Variants in GRIA1 observed in about 807,000 individuals in gnomAD.
The protein encoded by GRIA1 is glutamate ionotropic receptor AMPA type subunit 1, also known as glutamate receptor 1.
GRIA1 carries 31 observed loss-of-function variants against 99.2 expected under a neutral mutation model. That is an observed-to-expected ratio of 0.31 (90% CI 0.23 to 0.42). The LOEUF (loss-of-function observed/expected upper bound fraction) is 0.42, where lower values mean the gene tolerates loss of function less well. GRIA1 is among the 10% of genes least tolerant of loss of function. The probability of loss-of-function intolerance (pLI) is 1.00; values close to 1 mark genes in which losing one functional copy is unlikely to be tolerated. For synonymous variants in GRIA1, 438 were observed against 432.4 expected (o/e 1.01, Z -0.16); for missense variants, 782 against 1,157.5 (o/e 0.68, Z 4.71).
At chr5:153,539,063 G>A (rs930833590) in intron 2 of GRIA1, among the ~76,000 whole-genome samples, 2 of 152,170 alleles carry the variant, frequency 1.3e-5, no homozygotes, top group African/African-American at 4.8e-5. Context: ...GCTGGCCAGG[G>A]CTGAGAGAAT....
intron 2 of GRIA1, among the ~76,000 whole-genome samples, chr5:153,519,604 C>T (rs184967166): frequency 6.6e-6 from 1 of 152,122 alleles, no homozygotes; most frequent in Non-Finnish European, 1.5e-5. Flanking sequence ...GCATGTAAAA[C>T]ATCATCCAGG....
chr5:153,781,968 CA>C (rs574107355), intron 13 of GRIA1, among the ~76,000 whole-genome samples: 153 of 152,198 alleles, frequency 1.0e-3, no homozygotes, highest in African/African-American at 3.5e-3. Flanking sequence ...TAAAATGGGC[CA>C]GGGGTAAAAC....
chr5:153,590,506 ATGTGTGTGTGTGTG>A (rs5872325), intron 2 of GRIA1, among the ~76,000 whole-genome samples: 19,316 of 147,848 alleles, frequency 0.13, 2,216 homozygotes, highest in East Asian at 0.62. Context: ...AGCTATTGAA[ATGTGTGTGTGTGTG>A]TGTGTGTGTG....
In GRIA1 at chr5:153,660,604, A is replaced by G. The variant is rs1423335886; in HGVS notation, c.699+4732A>G. 7.2e-5 allele frequency among the ~76,000 whole-genome samples: 11 copies of G among 152,306 alleles called. No individual in the cohort carries two copies. In the East Asian group the frequency reaches 2.1e-3, roughly 29 times the overall value. ...TTAAATCTTGTCTACAGTAGCAGCA[A>G]TAGATCTGACATTCCAACCCAGGCT... On this transcript the variant is annotated intron_variant, in intron 5 of 15. Transcript: ENST00000285900.
At chr5:153,655,328 T>A (rs150056890) in intron 4 of GRIA1, among the ~76,000 whole-genome samples, 18 of 152,296 alleles carry the variant, frequency 1.2e-4, no homozygotes, top group Non-Finnish European at 2.1e-4. Context: ...GAAGGTGAAG[T>A]CATCCACATA....
intron 11 of GRIA1, among the ~76,000 whole-genome samples, chr5:153,746,367 C>T (rs958891844): frequency 3.3e-5 from 5 of 152,106 alleles, no homozygotes; most frequent in Admixed American, 1.3e-4. Context: ...TAAGTAAAAT[C>T]GCTCCTTTTA....
At chr5:153,510,372 A>C (rs1755946024) in intron 2 of GRIA1, among the ~76,000 whole-genome samples, 1 of 152,154 alleles carries the variant, frequency 6.6e-6, no homozygotes. Flanking sequence ...GTACTTTTCA[A>C]GCTTTCTTGC....
At chr5:153,770,523 AG>A in intron 13 of GRIA1, 108 bp downstream of exon 13, 4 of 1,071,014 alleles carry the variant, frequency 3.7e-6, no homozygotes, top group Non-Finnish European at 5.5e-6. Flanking sequence ...CAAGCTGTTG[AG>A]GGGGCTCTTC....
chr5:153,607,033 A>G (rs1765498216), intron 2 of GRIA1, among the ~76,000 whole-genome samples: 1 of 120,620 alleles, frequency 8.3e-6, no homozygotes, highest in Non-Finnish European at 1.8e-5. Flanking sequence ...ATATAAACAT[A>G]TCACAAAAGA....
chr5:153,795,353 G>T, intron 14 of GRIA1: 1 of 619,540 alleles, frequency 1.6e-6, no homozygotes, highest in South Asian at 1.8e-5. Flanking sequence ...GAGTATTTTA[G>T]AGTATCACTT....
intron 13 of GRIA1, among the ~76,000 whole-genome samples, chr5:153,777,573 C>G (rs940552756): frequency 4.6e-5 from 7 of 152,142 alleles, no homozygotes; most frequent in Non-Finnish European, 1.0e-4. Context: ...TTCTACCCCT[C>G]TCCTCCTCCC....
rs868108853 is a variant in GRIA1 at position 153,511,357 on chromosome 5, A to G, written c.220+17292A>G. 2.0e-5 allele frequency among the ~76,000 whole-genome samples: 3 copies of G among 152,132 alleles called. No individual in the cohort carries two copies. The South Asian group carries it at 6.2e-4, about 32-fold the overall frequency. On this transcript the variant is annotated intron_variant, in intron 2 of 15. Transcript: ENST00000285900. ...GTGCAGTCACAGATCATGCTTTTATACTTGTGGCATGTATAGGAAATGTTG... is the reference window on the plus strand; with the variant it reads ...GTGCAGTCACAGATCATGCTTTTATGCTTGTGGCATGTATAGGAAATGTTG...
chr5:153,692,277 G>A (rs1456692049), intron 8 of GRIA1, among the ~76,000 whole-genome samples: 1 of 152,060 alleles, frequency 6.6e-6, no homozygotes, highest in Non-Finnish European at 1.5e-5. Flanking sequence ...ACTTTTCATG[G>A]TGCTTATTCC....
chr5:153,701,879 C>G (rs771958135), intron 10 of GRIA1, among the ~76,000 whole-genome samples: 59 of 152,144 alleles, frequency 3.9e-4, no homozygotes, highest in Admixed American at 3.3e-3. Context: ...TTTGCTCCCT[C>G]TTTTTCCGTC....
intron 13 of GRIA1, among the ~76,000 whole-genome samples, chr5:153,783,488 C>T (rs1239984137): frequency 6.6e-6 from 1 of 152,170 alleles, no homozygotes; most frequent in Non-Finnish European, 1.5e-5. Flanking sequence ...TCACACTTGC[C>T]TTAGAAATGC....
chr5:153,812,404 G>A lies in GRIA1; in HGVS notation c.*1179G>A, dbSNP rs1008182168. 4 of 152,214 alleles carry A rather than the reference G, an allele frequency of 2.6e-5. No individual in the cohort carries two copies. Among genetic ancestry groups the A allele is most frequent in the African/African-American group, 9.6e-5 (4 of 41,462 alleles). The allele number at this position is 152,214 out of a possible 1,614,324, so 9.4% of individuals were successfully genotyped here. A position where few individuals can be genotyped will look rare whatever the true frequency, so the allele number is the denominator to read the frequency against. ...ATCCTAGGTTTAAGAAAACACGTAT[G>A]AAGTTTATGCTGATGCAAAGAACTT... is the stretch of plus-strand genomic sequence containing the variant. On this transcript the variant is annotated 3_prime_UTR_variant, in exon 16 of 16. Coordinates refer to ENST00000285900, the MANE Select transcript of GRIA1 (RefSeq NM_000827.4).
intron 13 of GRIA1, among the ~76,000 whole-genome samples, chr5:153,778,188 AGAGAGTGTGTGT>A (rs1486352792): frequency 5.0e-4 from 43 of 86,138 alleles, no homozygotes; most frequent in African/African-American, 1.8e-3. Flanking sequence ...AGAGAGAGAG[AGAGAGTGTGTGT>A]GTGTGTGTGT....
At chr5:153,554,108 G>A (rs557105307) in intron 2 of GRIA1, among the ~76,000 whole-genome samples, 1 of 152,168 alleles carries the variant, frequency 6.6e-6, no homozygotes, top group African/African-American at 2.4e-5. Context: ...GAGCTTCTTT[G>A]ATGGGTTGAG....
At chr5:153,637,672 A>G (rs1483224025) in intron 2 of GRIA1, among the ~76,000 whole-genome samples, 3 of 152,278 alleles carry the variant, frequency 2.0e-5, no homozygotes, top group Non-Finnish European at 4.4e-5. Context: ...TAGGTGGAAT[A>G]CATTAAGGCT....
Sources: gnomAD v4.1 joint callset for allele counts (sites outside exome capture counted in the v4.1 genomes callset) on GRCh38, gnomAD v4.1.1 for gene constraint, MANE v1.5 for transcripts, NCBI Gene and HGNC (gene_info 2026-07-23, HGNC 2026-07-21) for gene names.